Variants in KCNH8 observed in about 807,000 individuals in gnomAD.
KCNH8 encodes the protein voltage-gated delayed rectifier potassium channel KCNH8.
KCNH8 carries 70 observed loss-of-function variants against 103.6 expected under a neutral mutation model. The ratio of observed to expected loss-of-function variants is 0.68; its 90% CI spans 0.56 to 0.82. The LOEUF (loss-of-function observed/expected upper bound fraction) is 0.82. Among genes scored for constraint, KCNH8 ranks in the 40% least tolerant of loss-of-function variants. The probability of loss-of-function intolerance (pLI) is 0.00; values close to 1 mark genes in which losing one functional copy is unlikely to be tolerated. For synonymous variants in KCNH8, 498 were observed against 489.4 expected, an observed-to-expected ratio of 1.02 and a Z score of -0.23; for missense variants, 1,217 against 1,329.9, an observed-to-expected ratio of 0.92 and a Z score of 1.32.
chr3:19,255,339 T>C (rs1216571116), intron 2 of KCNH8, among the ~76,000 whole-genome samples: 1 of 152,186 alleles, frequency 6.6e-6, no homozygotes, highest in African/African-American at 2.4e-5. Context: ...TATTAAGAAG[T>C]TAAGACAGCT....
intron 7 of KCNH8, among the ~76,000 whole-genome samples, chr3:19,432,089 C>G (rs1422646130): frequency 6.6e-6 from 1 of 152,006 alleles, no homozygotes; most frequent in African/African-American, 2.4e-5. Flanking sequence ...CTAAGGTAAA[C>G]AAAACCCAGT....
chr3:19,373,514 G>C (rs1459489287), intron 5 of KCNH8, among the ~76,000 whole-genome samples: 4 of 151,864 alleles, frequency 2.6e-5, no homozygotes, highest in African/African-American at 7.3e-5. Context: ...TTCTTTATTA[G>C]TCTTGCTAGC....
At chr3:19,392,747 A>C (rs1044588924) in intron 6 of KCNH8, among the ~76,000 whole-genome samples, 1 of 151,994 alleles carries the variant, frequency 6.6e-6, no homozygotes, top group African/African-American at 2.4e-5. Flanking sequence ...TTTGAAAACT[A>C]GTATGTATAT....
At chr3:19,411,088 CCTGATGAA>C (rs2066771310) in intron 7 of KCNH8, among the ~76,000 whole-genome samples, 1 of 151,940 alleles carries the variant, frequency 6.6e-6, no homozygotes, top group Admixed American at 6.6e-5. Context: ...GGCCAATATC[CCTGATGAA>C]CATAGAAACA....
chr3:19,382,628 C>T (rs1195171239), intron 5 of KCNH8, among the ~76,000 whole-genome samples: 2 of 152,010 alleles, frequency 1.3e-5, no homozygotes, highest in South Asian at 2.1e-4. Flanking sequence ...TGACCCTGTT[C>T]GTCAGTTTTG....
chr3:19,319,221 G>A (rs192998933), intron 3 of KCNH8, among the ~76,000 whole-genome samples: 4 of 151,850 alleles, frequency 2.6e-5, no homozygotes, highest in Admixed American at 1.3e-4. Context: ...TTGGGTTCTT[G>A]GTCATGAAGT....
At chr3:19,187,204 A>G (rs1306482313) in intron 1 of KCNH8, among the ~76,000 whole-genome samples, 1 of 151,972 alleles carries the variant, frequency 6.6e-6, no homozygotes, top group African/African-American at 2.4e-5. Flanking sequence ...TAGAGAATAT[A>G]CTGAAAAACT....
At position 19,285,013 on chromosome 3, in the gene KCNH8, A is replaced by C. The variant is rs192631742; in HGVS notation, c.442+3684A>C. ...GACACCAGGTCCTCGATGGTGGGGAAGGATTAAGAAAAACATTCACAGGGC... is the reference window on the plus strand; with the variant it reads ...GACACCAGGTCCTCGATGGTGGGGACGGATTAAGAAAAACATTCACAGGGC... On this transcript the variant is annotated intron_variant, in intron 3 of 15. Coordinates refer to ENST00000328405, the MANE Select transcript of KCNH8 (RefSeq NM_144633.3). 3.8e-3 allele frequency among the ~76,000 whole-genome samples: 575 copies of C among 152,014 alleles called. 7 individuals carry two copies. The highest frequency in any genetic ancestry group is 0.012 in the African/African-American group (516 of 41,518).
intron 13 of KCNH8, among the ~76,000 whole-genome samples, chr3:19,514,495 A>C (rs577544770): frequency 4.3e-4 from 65 of 151,932 alleles, no homozygotes; most frequent in Non-Finnish European, 6.9e-4. Context: ...AAAAGAATAT[A>C]TGTTCTTTAT....
intron 1 of KCNH8, among the ~76,000 whole-genome samples, chr3:19,250,325 C>T (rs2064260472): frequency 6.6e-6 from 1 of 151,686 alleles, no homozygotes; most frequent in African/African-American, 2.4e-5. Flanking sequence ...GGTAAAAAAC[C>T]CAATGTAATA....
At chr3:19,317,362 A>G (rs2065287452) in intron 3 of KCNH8, among the ~76,000 whole-genome samples, 1 of 151,958 alleles carries the variant, frequency 6.6e-6, no homozygotes, top group Non-Finnish European at 1.5e-5. Context: ...GACCAATTTT[A>G]TATAGAACTT....
chr3:19,307,424 CTT>C (rs772828903), intron 3 of KCNH8, among the ~76,000 whole-genome samples: 108 of 151,992 alleles, frequency 7.1e-4, no homozygotes, highest in Non-Finnish European at 1.3e-3. Flanking sequence ...AAAGGGAACT[CTT>C]ATACACTGTT....
intron 8 of KCNH8, among the ~76,000 whole-genome samples, chr3:19,440,309 C>A (rs116304197): frequency 6.6e-6 from 1 of 152,062 alleles, no homozygotes; most frequent in Non-Finnish European, 1.5e-5. Flanking sequence ...AGGCTTGATT[C>A]AACCATTTAT....
chr3:19,242,353 G>A (rs1046124554), intron 1 of KCNH8, among the ~76,000 whole-genome samples: 2 of 152,142 alleles, frequency 1.3e-5, no homozygotes, highest in African/African-American at 2.4e-5. Context: ...GGGTACTGGT[G>A]CAGAGGAGGC....
At chr3:19,511,933 A>T (rs1031243338) in intron 12 of KCNH8, among the ~76,000 whole-genome samples, 1 of 152,206 alleles carries the variant, frequency 6.6e-6, no homozygotes, top group Admixed American at 6.5e-5. Flanking sequence ...AAATCCGTAT[A>T]CACCAAAATC....
chr3:19,422,054 C>G (rs2066959085), intron 7 of KCNH8, among the ~76,000 whole-genome samples: 1 of 152,018 alleles, frequency 6.6e-6, no homozygotes, highest in African/African-American at 2.4e-5. Flanking sequence ...ATGATGGTAA[C>G]TAGGTGGAGA....
intron 5 of KCNH8, among the ~76,000 whole-genome samples, chr3:19,372,161 A>G (rs1574979953): frequency 6.6e-6 from 1 of 152,170 alleles, no homozygotes; most frequent in African/African-American, 2.4e-5. Context: ...AGTCATTGGT[A>G]GCTTGATGTG....
intron 8 of KCNH8, among the ~76,000 whole-genome samples, chr3:19,443,761 A>T (rs1403564591): frequency 2.6e-5 from 4 of 152,010 alleles, no homozygotes. Context: ...TTGCATTTCT[A>T]TATACTAGTA....
At chr3:19,441,280 G>A (rs560721929) in intron 8 of KCNH8, among the ~76,000 whole-genome samples, 1 of 152,262 alleles carries the variant, frequency 6.6e-6, no homozygotes, top group South Asian at 2.1e-4. Flanking sequence ...TTCCCTTTGT[G>A]TATCCAGCCC....
Sources: gnomAD v4.1 joint callset for allele counts (sites outside exome capture counted in the v4.1 genomes callset) on GRCh38, gnomAD v4.1.1 for gene constraint, MANE v1.5 for transcripts, NCBI Gene and HGNC (gene_info 2026-07-23, HGNC 2026-07-21) for gene names.